Variants in ABCA1 observed in about 807,000 individuals in gnomAD.
ABCA1 encodes the protein phospholipid-transporting ATPase ABCA1.
A neutral mutation model predicts 262.5 loss-of-function variants in ABCA1; 133 were observed. The observed-to-expected ratio is 0.51, with a 90% CI of 0.44 to 0.59. The LOEUF is 0.59. Among genes scored for constraint, ABCA1 ranks in the 20% least tolerant of loss-of-function variants. The probability of loss-of-function intolerance (pLI) is 0.00; values close to 1 mark genes in which losing one functional copy is unlikely to be tolerated. For synonymous variants in ABCA1, 1,022 were observed against 1,043.5 expected (o/e 0.98, Z 0.40); for missense variants, 2,452 against 2,777.5 (o/e 0.88, Z 2.63).
At chr9:104,908,921 A>G (rs1035330704) in intron 1 of ABCA1, among the ~76,000 whole-genome samples, 2 of 152,228 alleles carry the variant, frequency 1.3e-5, no homozygotes, top group Non-Finnish European at 2.9e-5. Flanking sequence ...TGGCAGTGGT[A>G]GATACACATG....
chr9:104,809,695 A>G, intron 29 of ABCA1, 131 bp from the exon 30 acceptor site: 2 of 863,032 alleles, frequency 2.3e-6, no homozygotes, highest in Non-Finnish European at 3.8e-6. Context: ...AGAAATGAAC[A>G]AAACACAGAA....
At chr9:104,913,660 T>C (rs995605931) in intron 1 of ABCA1, among the ~76,000 whole-genome samples, 2 of 152,232 alleles carry the variant, frequency 1.3e-5, no homozygotes, top group East Asian at 3.8e-4. Context: ...CTTCTGACCA[T>C]TGTTTTACTA....
chr9:104,871,090 G>A (rs1837568333), intron 5 of ABCA1, among the ~76,000 whole-genome samples: 1 of 152,198 alleles, frequency 6.6e-6, no homozygotes. Flanking sequence ...GGGCTTAGAG[G>A]CCTGACAATG....
chr9:104,837,030 G>T lies in ABCA1; in HGVS notation c.1261C>A (p.Pro421Thr), dbSNP rs747456074. The T allele has an allele frequency of 1.2e-6, 2 of 1,613,966 alleles. No individual in the cohort carries two copies. The highest frequency in any genetic ancestry group is 2.2e-5 in the East Asian group (1 of 44,884). Reference sequence around the variant, plus strand: ...TTCTCCATGAAGGTCCAGATCTTGGGGCTGAGTTCCTCCCACATGCCTTCC... The same window carrying T: ...TTCTCCATGAAGGTCCAGATCTTGGTGCTGAGTTCCTCCCACATGCCTTCC... ...DLEGMWEELS[P>T]KIWTFMENSQ... Residue 421 changes from proline to threonine, a missense_variant, in exon 11 of 50, where the codon CCC becomes ACC. Transcript: ENST00000374736.
intron 10 of ABCA1, 92 bp from the exon 11 acceptor site, chr9:104,837,188 A>G: frequency 1.7e-6 from 2 of 1,167,486 alleles, no homozygotes; most frequent in Non-Finnish European, 2.5e-6. Context: ...ATACCCCATC[A>G]CAGCAGCCCT....
chr9:104,878,127 T>C (rs1165068364), intron 5 of ABCA1, among the ~76,000 whole-genome samples: 1 of 152,174 alleles, frequency 6.6e-6, no homozygotes, highest in Non-Finnish European at 1.5e-5. Flanking sequence ...GACATGTCAC[T>C]TTCCCTAGGG....
chr9:104,806,492 A>AG, intron 30 of ABCA1, 62 bp from the exon 31 acceptor site: 1 of 1,523,598 alleles, frequency 6.6e-7, no homozygotes, highest in Non-Finnish European at 9.1e-7. Flanking sequence ...CTGTTGCCTC[A>AG]GGAGCACAGG....
intron 26 of ABCA1, 61 bp downstream of exon 26, chr9:104,814,366 C>T: frequency 6.3e-7 from 1 of 1,584,140 alleles, no homozygotes. Context: ...AATACTCGTG[C>T]ACTGAGAAAG....
intron 7 of ABCA1, chr9:104,855,582 T>C: frequency 8.2e-7 from 1 of 1,217,160 alleles, no homozygotes; most frequent in East Asian, 2.6e-5. Context: ...TCAACTTCTA[T>C]TTATTGAGCA....
intron 1 of ABCA1, among the ~76,000 whole-genome samples, chr9:104,922,778 C>CTCGA (rs1842212361): frequency 6.6e-6 from 1 of 152,160 alleles, no homozygotes; most frequent in South Asian, 2.1e-4. Context: ...GTGGCACGAT[C>CTCGA]TCGACTCAGT....
At chr9:104,850,830 C>T (rs927359742) in intron 7 of ABCA1, among the ~76,000 whole-genome samples, 54 of 152,294 alleles carry the variant, frequency 3.5e-4, no homozygotes, top group African/African-American at 1.3e-3. Context: ...TGGCTATGAA[C>T]TCACATAGGT....
intron 32 of ABCA1, 81 bp from the exon 33 acceptor site, chr9:104,803,397 A>T: frequency 3.8e-6 from 5 of 1,331,106 alleles, no homozygotes; most frequent in South Asian, 1.2e-5. Context: ...GTAAATATCC[A>T]CCTGAGGATA....
Position 104,781,107 on chromosome 9 carries a change from A to T in ABCA1, c.*3208T>A, listed in dbSNP as rs368530588. 42 of 152,580 alleles carry T rather than the reference A, an allele frequency of 2.8e-4. No homozygotes were observed. Among genetic ancestry groups the T allele is most frequent in the African/African-American group, 5.8e-4 (24 of 41,532 alleles). The allele number at this position is 152,580 out of a possible 1,614,324, so 9.5% of individuals were successfully genotyped here. A position where few individuals can be genotyped will look rare whatever the true frequency, so the allele number is the denominator to read the frequency against. ...TCATATAAAGTTATTGACATACAAA[A>T]TTTTTTTTCTTTTTTCCTTTTAATG... On this transcript the variant is annotated 3_prime_UTR_variant, in exon 50 of 50. Transcript: ENST00000374736.
intron 1 of ABCA1, among the ~76,000 whole-genome samples, chr9:104,915,195 A>G (rs1841770734): frequency 6.6e-6 from 1 of 152,234 alleles, no homozygotes. Flanking sequence ...TAGTTCATAC[A>G]GTATCGGCAG....
intron 48 of ABCA1, 143 bp from the exon 49 acceptor site, chr9:104,785,782 T>A: frequency 1.1e-6 from 1 of 918,386 alleles, no homozygotes; most frequent in Non-Finnish European, 1.7e-6. Context: ...AAGGAACCAG[T>A]TATCATTTAC....
chr9:104,820,003 C>T lies in ABCA1; in HGVS notation c.3027G>A (p.Lys1009=). The change falls in exon 21 of 50, where the codon AAG becomes AAA. Residue 1009 remains lysine, a synonymous_variant. Transcript: ENST00000374736. ...CCAGGGCCATCTGCTCCATCTCCGC[C>T]TTCACGTGCTTCTCAGAGAGCCCTT... ...RLKGLSEKHV[K]AEMEQMALDV... is the part of the protein sequence containing the mutation. 1.2e-6 allele frequency: 2 copies of T among 1,614,126 alleles called. No homozygotes were observed. Among genetic ancestry groups the T allele is most frequent in the Non-Finnish European group, 1.7e-6 (2 of 1,180,032 alleles).
chr9:104,903,301 C>A (rs1840818350), intron 2 of ABCA1, among the ~76,000 whole-genome samples: 1 of 152,076 alleles, frequency 6.6e-6, no homozygotes, highest in East Asian at 1.9e-4. Context: ...CAGGTGGCTC[C>A]CAGGGCTGCA....
At chr9:104,824,357 A>G in intron 18 of ABCA1, 108 bp downstream of exon 18, 3 of 1,562,370 alleles carry the variant, frequency 1.9e-6, no homozygotes, top group Non-Finnish European at 2.6e-6. Context: ...CTGCCCCTGG[A>G]GTGGTTTCAC....
rs781060719 is a variant in ABCA1, at chr9:104,926,470, C to CAA, written c.-93+1463_-93+1464dup. Among the ~76,000 whole-genome samples the CAA allele has an allele frequency of 2.9e-3, 349 of 118,738 alleles. 4 individuals are homozygous for CAA. Among genetic ancestry groups the CAA allele is most frequent in the South Asian group, 0.023 (90 of 3,842 alleles). The allele number at this position is 118,738 out of a possible 152,430, so 77.9% of individuals were successfully genotyped here. On this transcript the variant is annotated intron_variant, in intron 1 of 49. Transcript: ENST00000374736. Reference sequence around the variant, plus strand: ...CTAACAAAAAAAAAAACCAAAAAAACAAAAAAAAAAAAACAAAACGGGCTT... The same window carrying CAA: ...CTAACAAAAAAAAAAACCAAAAAAACAAAAAAAAAAAAAAACAAAACGGGCTT...
Sources: gnomAD v4.1 joint callset for allele counts (sites outside exome capture counted in the v4.1 genomes callset) on GRCh38, gnomAD v4.1.1 for gene constraint, MANE v1.5 for transcripts, NCBI Gene and HGNC (gene_info 2026-07-23, HGNC 2026-07-21) for gene names.